MBOAT2: variants seen among roughly 807,000 people sequenced by gnomAD.
MBOAT2 encodes membrane-bound glycerophospholipid O-acyltransferase 2.
MBOAT2 carries 28 observed loss-of-function variants against 63.4 expected under a neutral mutation model. The observed-to-expected ratio is 0.44, with a 90% CI of 0.33 to 0.61. The LOEUF is 0.61. MBOAT2 is among the 20% of genes least tolerant of loss of function. The pLI, the probability that MBOAT2 is intolerant of heterozygous loss-of-function variation, is 0.03. For synonymous variants in MBOAT2, 211 were observed against 215.6 expected (o/e 0.98, Z 0.19); for missense variants, 470 against 605.8 (o/e 0.78, Z 2.35).
intron 1 of MBOAT2, among the ~76,000 whole-genome samples, chr2:8,985,319 C>T (rs890958383): frequency 6.6e-6 from 1 of 152,150 alleles, no homozygotes; most frequent in Non-Finnish European, 1.5e-5. Flanking sequence ...CAAATTACCA[C>T]AGGTTCTTTA....
intron 3 of MBOAT2, among the ~76,000 whole-genome samples, chr2:8,925,009 C>T (rs1003364351): frequency 6.6e-6 from 1 of 152,058 alleles, no homozygotes; most frequent in African/African-American, 2.4e-5. Context: ...TTTTTAATAA[C>T]ATGAAAAACT....
At chr2:8,938,190 CTG>C (rs915099207) in intron 3 of MBOAT2, among the ~76,000 whole-genome samples, 1 of 152,180 alleles carries the variant, frequency 6.6e-6, no homozygotes, top group Non-Finnish European at 1.5e-5. Flanking sequence ...ATTTGGCACT[CTG>C]TATCTCTGTT....
At chr2:8,859,423 A>G (rs948004520) in intron 12 of MBOAT2, among the ~76,000 whole-genome samples, 2 of 152,238 alleles carry the variant, frequency 1.3e-5, no homozygotes, top group Non-Finnish European at 1.5e-5. Flanking sequence ...TATTAAAAAT[A>G]TTGAAAACAT....
intron 1 of MBOAT2, among the ~76,000 whole-genome samples, chr2:8,976,547 A>G (rs1281956340): frequency 1.3e-5 from 2 of 152,146 alleles, no homozygotes; most frequent in Non-Finnish European, 2.9e-5. Flanking sequence ...AGACGCACAG[A>G]AAGGATGGGC....
At chr2:8,982,770 A>G (rs538353079) in intron 1 of MBOAT2, among the ~76,000 whole-genome samples, 58 of 152,316 alleles carry the variant, frequency 3.8e-4, no homozygotes, top group Non-Finnish European at 6.5e-4. Flanking sequence ...CAGGTGCTAG[A>G]GATGCAGAGG....
chr2:9,000,260 T>G (rs529121514), intron 1 of MBOAT2, among the ~76,000 whole-genome samples: 1 of 152,390 alleles, frequency 6.6e-6, no homozygotes, highest in East Asian at 1.9e-4. Flanking sequence ...ATTTGTCTTT[T>G]TCCTGTTGAA....
At chr2:8,949,381 T>C (rs1371363059) in intron 2 of MBOAT2, among the ~76,000 whole-genome samples, 2 of 152,170 alleles carry the variant, frequency 1.3e-5, no homozygotes, top group South Asian at 2.1e-4. Context: ...CAATTGCTTT[T>C]GAGGACTTAG....
chr2:8,912,738 G>GAA (rs1665883453), intron 3 of MBOAT2, among the ~76,000 whole-genome samples: 1 of 152,160 alleles, frequency 6.6e-6, no homozygotes, highest in Admixed American at 6.5e-5. Context: ...TGGATGGGTA[G>GAA]AATCAGTATT....
Position 8,993,716 on chromosome 2 carries a change from G to A in MBOAT2, c.75+9824C>T, listed in dbSNP as rs535311618. On this transcript the variant is annotated intron_variant, in intron 1 of 12. Coordinates refer to ENST00000305997, the MANE Select transcript of MBOAT2 (RefSeq NM_138799.4). ...ACCAGGAAGTGCTCCAAGGAGCTGC[G>A]GTGTTTTATGTCTGAAAATCACTGC... Among the ~76,000 whole-genome samples the A allele has an allele frequency of 3.3e-5, 5 of 152,164 alleles. No homozygotes were observed. The South Asian group carries it at 6.2e-4, about 19-fold the overall frequency.
intron 4 of MBOAT2, among the ~76,000 whole-genome samples, chr2:8,905,562 A>G (rs1375309840): frequency 2.6e-5 from 4 of 152,126 alleles, no homozygotes; most frequent in Admixed American, 2.6e-4. Flanking sequence ...AGGATGGAAA[A>G]CCAAACACCG....
intron 8 of MBOAT2, among the ~76,000 whole-genome samples, chr2:8,869,543 T>C (rs1662161654): frequency 6.6e-6 from 1 of 152,186 alleles, no homozygotes; most frequent in Non-Finnish European, 1.5e-5. Context: ...ATAATATACC[T>C]ATACAGACAT....
intron 2 of MBOAT2, among the ~76,000 whole-genome samples, chr2:8,944,743 A>C (rs1248918128): frequency 6.6e-6 from 1 of 151,968 alleles, no homozygotes; most frequent in African/African-American, 2.4e-5. Flanking sequence ...GAAAAACCTA[A>C]ATGAGTATAA....
intron 4 of MBOAT2, among the ~76,000 whole-genome samples, chr2:8,902,727 A>G (rs754041481): frequency 9.2e-5 from 14 of 152,224 alleles, no homozygotes; most frequent in Non-Finnish European, 1.6e-4. Flanking sequence ...GACTGACTTC[A>G]GGAGTAAAGC....
chr2:8,975,927 T>C (rs1040644014), intron 1 of MBOAT2, among the ~76,000 whole-genome samples: 3 of 152,116 alleles, frequency 2.0e-5, no homozygotes, highest in Admixed American at 6.6e-5. Flanking sequence ...CTGAATTATA[T>C]GGCCACTGCC....
At chr2:8,967,015 T>C (rs116141694) in intron 1 of MBOAT2, among the ~76,000 whole-genome samples, 138 of 152,304 alleles carry the variant, frequency 9.1e-4, no homozygotes, top group African/African-American at 3.2e-3. Flanking sequence ...ACAACGAAGA[T>C]GAAGAAACTA....
At chr2:8,859,802 C>T (rs996496483) in intron 12 of MBOAT2, among the ~76,000 whole-genome samples, 5 of 151,974 alleles carry the variant, frequency 3.3e-5, no homozygotes, top group East Asian at 1.9e-4. Context: ...ATACAGAATT[C>T]GAGACAAGAC....
At chr2:8,875,194 G>T (rs76565178) in intron 7 of MBOAT2, among the ~76,000 whole-genome samples, 1 of 152,136 alleles carries the variant, frequency 6.6e-6, no homozygotes, top group Non-Finnish European at 1.5e-5. Context: ...TGATGCACAA[G>T]GAGCTTCCAA....
intron 3 of MBOAT2, among the ~76,000 whole-genome samples, chr2:8,912,206 C>T (rs1187128220): frequency 1.3e-5 from 2 of 151,426 alleles, no homozygotes; most frequent in Admixed American, 6.6e-5. Flanking sequence ...ATTCTCCACA[C>T]TCCTCTTCAA....
In MBOAT2 at chr2:8,932,960, A is replaced by G. The variant is rs532332930; in HGVS notation, c.299+10227T>C. ...ATAATTTAGCAAGTCCCAACTGTCT[A>G]AGACAATTTCCTCATTTACTAACCA... On this transcript the variant is annotated intron_variant, in intron 3 of 12. Coordinates refer to ENST00000305997, the MANE Select transcript of MBOAT2 (RefSeq NM_138799.4). Among the ~76,000 whole-genome samples, 15 of 152,228 alleles carry G rather than the reference A, an allele frequency of 9.9e-5. 1 individual carries two copies. Among genetic ancestry groups the G allele is most frequent in the Admixed American group, 4.6e-4 (7 of 15,270 alleles).
Sources: gnomAD v4.1 joint callset for allele counts (sites outside exome capture counted in the v4.1 genomes callset) on GRCh38, gnomAD v4.1.1 for gene constraint, MANE v1.5 for transcripts, NCBI Gene and HGNC (gene_info 2026-07-23, HGNC 2026-07-21) for gene names.